RBM19: variants seen among roughly 807,000 people sequenced by gnomAD.
RBM19 encodes probable RNA-binding protein 19.
Under a neutral mutation model 116.8 loss-of-function variants are expected in RBM19, and 94 were observed. The observed-to-expected ratio is 0.80, with a 90% CI of 0.68 to 0.95. RBM19 has a LOEUF of 0.95. RBM19 is among the 40% of genes least tolerant of loss of function. RBM19 has a pLI of 0.00. For synonymous variants in RBM19, 475 were observed against 494.1 expected, an observed-to-expected ratio of 0.96 and a Z score of 0.51; for missense variants, 1,161 against 1,220.7, an observed-to-expected ratio of 0.95 and a Z score of 0.73.
intron 21 of RBM19, among the ~76,000 whole-genome samples, chr12:113,895,801 C>A (rs1485116104): frequency 6.6e-6 from 1 of 150,376 alleles, no homozygotes; most frequent in Non-Finnish European, 1.5e-5. Flanking sequence ...AAGAAAAAAT[C>A]TTATATATAG....
intron 21 of RBM19, among the ~76,000 whole-genome samples, chr12:113,867,981 A>C (rs563417340): frequency 1.6e-4 from 25 of 152,340 alleles, no homozygotes; most frequent in African/African-American, 6.0e-4. Context: ...ATAAAACCTA[A>C]GTAGAAATGG....
At chr12:113,884,646 C>G (rs1170563901) in intron 21 of RBM19, among the ~76,000 whole-genome samples, 1 of 152,108 alleles carries the variant, frequency 6.6e-6, no homozygotes, top group Non-Finnish European at 1.5e-5. Flanking sequence ...GTACCATCAC[C>G]CACTGCAGAG....
At chr12:113,870,483 C>G (rs1879134245) in intron 21 of RBM19, among the ~76,000 whole-genome samples, 1 of 152,178 alleles carries the variant, frequency 6.6e-6, no homozygotes, top group Non-Finnish European at 1.5e-5. Flanking sequence ...GTGCTGCTCT[C>G]CCAGTCTGTT....
chr12:113,882,622 G>A (rs569123829), intron 21 of RBM19, among the ~76,000 whole-genome samples: 1 of 152,246 alleles, frequency 6.6e-6, no homozygotes, highest in Non-Finnish European at 1.5e-5. Context: ...CTGGAGGCAC[G>A]GGGGGAGGGA....
At chr12:113,949,378 C>CTTGGGTACTTA (rs1871299125) in intron 9 of RBM19, among the ~76,000 whole-genome samples, 1 of 152,204 alleles carries the variant, frequency 6.6e-6, no homozygotes, top group South Asian at 2.1e-4. Context: ...GACAGCCCAG[C>CTTGGGTACTTA]CCTGGGTACT....
rs183693969 is a variant in RBM19, at chr12:113,928,235, G to A, written c.2069-1006C>T. On this transcript the variant is annotated intron_variant, in intron 16 of 23. Transcript: ENST00000261741. ...ACCTATGATCCCAGCTACTTGGGAGGCTGAGGCACAAGAATTGCTCGAACC... is the reference window on the plus strand; with the variant it reads ...ACCTATGATCCCAGCTACTTGGGAGACTGAGGCACAAGAATTGCTCGAACC... 2.6e-3 allele frequency among the ~76,000 whole-genome samples: 397 copies of A among 152,248 alleles called. 2 individuals are homozygous for A. The highest frequency in any genetic ancestry group is 0.01 in the Middle Eastern group (3 of 294).
rs11066817 is a variant in RBM19, at chr12:113,928,513, G to A, written c.2069-1284C>T. ...GTTTATTTCTGGAGGATGGCACTAG[G>A]GATGGTCGTCATTTCAACCTGTCAC... On this transcript the variant is annotated intron_variant, in intron 16 of 23. Coordinates refer to ENST00000261741, the MANE Select transcript of RBM19 (RefSeq NM_016196.4). Among the ~76,000 whole-genome samples, 1,266 of 150,864 alleles carry A rather than the reference G, an allele frequency of 8.4e-3. 12 individuals carry two copies. Among genetic ancestry groups the A allele is most frequent in the South Asian group, 0.018 (85 of 4,762 alleles).
chr12:113,943,728 C>G (rs1319733140), intron 13 of RBM19, among the ~76,000 whole-genome samples: 1 of 152,036 alleles, frequency 6.6e-6, no homozygotes, highest in African/African-American at 2.4e-5. Flanking sequence ...GAGGCTGAGG[C>G]TGGAGAATTG....
intron 23 of RBM19, among the ~76,000 whole-genome samples, chr12:113,838,960 T>G (rs1593466217): frequency 6.6e-6 from 1 of 152,334 alleles, no homozygotes; most frequent in South Asian, 2.1e-4. Context: ...CAGGCTACGG[T>G]GTCACCGGCA....
At chr12:113,853,286 A>G (rs1172311772) in intron 22 of RBM19, among the ~76,000 whole-genome samples, 2 of 152,240 alleles carry the variant, frequency 1.3e-5, no homozygotes, top group Non-Finnish European at 2.9e-5. Flanking sequence ...CAGTGAGAAC[A>G]GCTCTGCCTG....
chr12:113,930,688 A>T (rs1240296280), intron 16 of RBM19, among the ~76,000 whole-genome samples: 2 of 152,226 alleles, frequency 1.3e-5, no homozygotes, highest in East Asian at 3.8e-4. Context: ...CCTTTCCTCC[A>T]GCAGCGCAGG....
Position 113,823,337 on chromosome 12 carries a change from T to A in RBM19, c.2786-16A>T, listed in dbSNP as rs376924562. The A allele has an allele frequency of 6.2e-7, 1 of 1,608,828 alleles. No individual in the cohort carries two copies. Among genetic ancestry groups the A allele is most frequent in the Middle Eastern group, 1.7e-4 (1 of 6,056 alleles). ...TTCGGGGGCTCTGTGGGAGCCCAGA[T>A]GGCAAGAGAGGAGAAAAGAACAGCC... is the stretch of plus-strand genomic sequence containing the variant. On this transcript the variant is annotated splice_polypyrimidine_tract_variant and intron_variant, in intron 23 of 23. Transcript: ENST00000261741.
At position 113,952,608 on chromosome 12, in the gene RBM19, T is replaced by A; in HGVS notation, c.922-18A>T. 6.2e-7 allele frequency: 1 copy of A among 1,605,826 alleles called. No homozygotes were observed. The highest frequency in any genetic ancestry group is 1.1e-5 in the South Asian group (1 of 90,838). ...ACATTTTTCTGTGAGAAGAAGTTTT[T>A]TTCCCCTTACCAACCACATAATAAA... On this transcript the variant is annotated intron_variant, in intron 7 of 23. Coordinates refer to ENST00000261741, the MANE Select transcript of RBM19 (RefSeq NM_016196.4).
rs1433262181 is a variant in RBM19 at position 113,927,072 on chromosome 12, T to A, written c.2226A>T (p.Thr742=). Residue 742 remains threonine (T), a synonymous_variant, in exon 17 of 24, where the codon ACA becomes ACT. Transcript: ENST00000261741. ...LFIKNLNFDT[T]EEKLKEVFSK... ...CACTCACTTCCTTCAGCTTCTCTTC[T>A]GTTGTGTCAAAATTGAGATTCTTAA... The A allele has an allele frequency of 1.2e-5, 19 of 1,613,438 alleles. No homozygotes were observed. The highest frequency in any genetic ancestry group is 1.6e-5 in the Non-Finnish European group (19 of 1,179,980).
At chr12:113,831,890 C>A (rs977535657) in intron 23 of RBM19, among the ~76,000 whole-genome samples, 1 of 152,158 alleles carries the variant, frequency 6.6e-6, no homozygotes, top group African/African-American at 2.4e-5. Context: ...GCCTCCAGGA[C>A]CCCCAGCCTC....
chr12:113,845,941 G>T lies in RBM19; in HGVS notation c.2665-1153C>A, dbSNP rs566947137. ...GACTCTGTTTCCTTATCCATAAAAC[G>T]GGTATGTTCATATATGCCAATCTCA... is the stretch of plus-strand genomic sequence containing the variant. On this transcript the variant is annotated intron_variant, in intron 22 of 23. Coordinates refer to ENST00000261741, the MANE Select transcript of RBM19 (RefSeq NM_016196.4). Among the ~76,000 whole-genome samples, 29 of 152,326 alleles carry T rather than the reference G, an allele frequency of 1.9e-4. 2 individuals carry two copies. In the South Asian group the frequency reaches 5.2e-3, roughly 27 times the overall value.
chr12:113,906,125 T>C (rs1161422009), intron 21 of RBM19, among the ~76,000 whole-genome samples: 1 of 152,240 alleles, frequency 6.6e-6, no homozygotes, highest in Admixed American at 6.5e-5. Context: ...TACCTACACA[T>C]ACACTCTACA....
chr12:113,950,273 G>A, intron 8 of RBM19, 119 bp from the exon 9 acceptor site: 1 of 775,808 alleles, frequency 1.3e-6, no homozygotes, highest in Non-Finnish European at 2.1e-6. Context: ...CTCTACCTTG[G>A]TCAGATCTCC....
chr12:113,822,948 G>A lies in RBM19; in HGVS notation c.*276C>T. 2.6e-6 allele frequency: 1 copy of A among 384,714 alleles called. No homozygotes were observed. The highest frequency in any genetic ancestry group is 3.3e-5 in the South Asian group (1 of 29,860). 23.8% of individuals were successfully genotyped at this position (384,714 alleles called of 1,614,324 possible). On this transcript the variant is annotated 3_prime_UTR_variant, in exon 24 of 24. Transcript: ENST00000261741. ...TTCCCAAGTCTCTCTTCCTAACGTG[G>A]CTGCTCCCTTGGACTCTTCCGTGTC...
Sources: allele counts gnomAD v4.1 joint callset (sites outside exome capture counted in the v4.1 genomes callset), GRCh38; gene constraint gnomAD v4.1.1; transcripts MANE v1.5; gene names NCBI Gene and HGNC (gene_info 2026-07-23, HGNC 2026-07-21).